The following HYCC2 variants were observed in gnomAD, a reference collection of about 807,000 sequenced individuals.
HYCC2 encodes hyccin 2.
the HYCC2 span, among the ~76,000 whole-genome samples, chr2:201,016,412 C>T: frequency 6.6e-6 from 1 of 152,018 alleles, no homozygotes; most frequent in South Asian, 2.1e-4. Flanking sequence ...TCTCAGTATC[C>T]TCAGTAGCTG....
At chr2:201,016,761 A>G in the HYCC2 span, among the ~76,000 whole-genome samples, 1 of 151,592 alleles carries the variant, frequency 6.6e-6, no homozygotes, top group Non-Finnish European at 1.5e-5. Flanking sequence ...CACCATGCTC[A>G]GCTAATTTCT....
the HYCC2 span, among the ~76,000 whole-genome samples, chr2:201,065,890 A>G: frequency 6.6e-6 from 1 of 152,226 alleles, no homozygotes; most frequent in East Asian, 1.9e-4. Context: ...GATGCTAATT[A>G]AATAAAAAAA....
At chr2:201,050,489 T>C in the HYCC2 span, among the ~76,000 whole-genome samples, 1 of 150,362 alleles carries the variant, frequency 6.7e-6, no homozygotes, top group African/African-American at 2.5e-5. Context: ...ATAATAAATA[T>C]GCTGAGGAGG....
chr2:201,056,745 G>A, the HYCC2 span, among the ~76,000 whole-genome samples: 12 of 150,954 alleles, frequency 7.9e-5, no homozygotes, highest in African/African-American at 1.9e-4. Flanking sequence ...GGTATTCAAA[G>A]CGTCTGTGGT....
At chr2:200,994,248 T>C in the HYCC2 span, among the ~76,000 whole-genome samples, 49 of 152,286 alleles carry the variant, frequency 3.2e-4, no homozygotes, top group Middle Eastern at 3.4e-3. Context: ...ATTTCCTTTT[T>C]TTTTTGGAGA....
chr2:201,055,883 A>G, the HYCC2 span, among the ~76,000 whole-genome samples: 1 of 151,954 alleles, frequency 6.6e-6, no homozygotes, highest in Admixed American at 6.6e-5. Context: ...CAACATAGAA[A>G]GACCCTATCT....
the HYCC2 span, among the ~76,000 whole-genome samples, chr2:201,058,514 G>A: frequency 6.6e-6 from 1 of 152,190 alleles, no homozygotes; most frequent in African/African-American, 2.4e-5. Flanking sequence ...AGACCAGCCT[G>A]GCCAACATGG....
At chr2:201,048,974 A>T in the HYCC2 span, among the ~76,000 whole-genome samples, 1 of 151,866 alleles carries the variant, frequency 6.6e-6, no homozygotes, top group Non-Finnish European at 1.5e-5. Context: ...ACAAACAAAA[A>T]AACAACAACC....
At chr2:201,049,348 T>G in the HYCC2 span, among the ~76,000 whole-genome samples, 1 of 151,960 alleles carries the variant, frequency 6.6e-6, no homozygotes, top group Non-Finnish European at 1.5e-5. Flanking sequence ...ATTCTTTTCT[T>G]TTTTCTTTTC....
At chr2:201,007,644 G>T in the HYCC2 span, among the ~76,000 whole-genome samples, 1 of 152,186 alleles carries the variant, frequency 6.6e-6, no homozygotes, top group Non-Finnish European at 1.5e-5. Context: ...TTAGGGCCGA[G>T]ACTGGTAACA....
chr2:201,024,962 A>C, the HYCC2 span, among the ~76,000 whole-genome samples: 5 of 151,760 alleles, frequency 3.3e-5, no homozygotes, highest in Non-Finnish European at 5.9e-5. Flanking sequence ...TAAAAAAAAA[A>C]CTTAGCCAGG....
the HYCC2 span, among the ~76,000 whole-genome samples, chr2:201,012,056 CAT>C: frequency 1.4e-4 from 21 of 152,274 alleles, no homozygotes; most frequent in African/African-American, 4.6e-4. Flanking sequence ...TGCAACACCT[CAT>C]AGTTATCCCT....
the HYCC2 span, chr2:201,063,556 T>C: frequency 1.9e-6 from 3 of 1,586,678 alleles, no homozygotes; most frequent in Non-Finnish European, 2.6e-6. Context: ...TTGATGACCA[T>C]GACTCCGTGG....
the HYCC2 span, among the ~76,000 whole-genome samples, chr2:201,038,984 T>C: frequency 4.6e-5 from 7 of 152,152 alleles, no homozygotes; most frequent in African/African-American, 1.7e-4. Context: ...CAGAACCACA[T>C]GCCACTTTTT....
the HYCC2 span, among the ~76,000 whole-genome samples, chr2:201,033,201 G>A: frequency 6.8e-6 from 1 of 147,468 alleles, no homozygotes; most frequent in South Asian, 2.1e-4. Flanking sequence ...GTGTGTGAGA[G>A]AGAGAGAGAG....
the HYCC2 span, chr2:201,063,638 C>A: frequency 6.3e-7 from 1 of 1,576,402 alleles, no homozygotes. Context: ...CCTGTCAAAG[C>A]AAGAGATGAC....
the HYCC2 span, chr2:200,978,328 C>T: frequency 6.6e-6 from 1 of 152,050 alleles, no homozygotes; most frequent in South Asian, 2.1e-4. Flanking sequence ...TGAAATGTTT[C>T]TTCACTGAGG....
the HYCC2 span, among the ~76,000 whole-genome samples, chr2:200,983,395 T>G: frequency 6.6e-6 from 1 of 152,296 alleles, no homozygotes; most frequent in East Asian, 1.9e-4. Context: ...TTATTTAACA[T>G]AGCACCTGGA....
At chr2:200,979,998 A>AT in the HYCC2 span, 3 of 152,662 alleles carry the variant, frequency 2.0e-5, no homozygotes, top group Non-Finnish European at 1.5e-5. Context: ...AGGTACACAA[A>AT]TTGCATTACA....
Sources: gnomAD v4.1 joint callset for allele counts (sites outside exome capture counted in the v4.1 genomes callset) on GRCh38, gnomAD v4.1.1 for gene constraint, MANE v1.5 for transcripts, NCBI Gene and HGNC (gene_info 2026-07-23, HGNC 2026-07-21) for gene names.